COG4: variants seen among roughly 807,000 people sequenced by gnomAD.
The protein encoded by COG4 is component of oligomeric golgi complex 4.
A neutral mutation model predicts 95.1 loss-of-function variants in COG4; 65 were observed. The ratio of observed to expected loss-of-function variants is 0.68; its 90% CI spans 0.56 to 0.84. The LOEUF is 0.84. Ranked by LOEUF, COG4 falls within the 40% of genes least tolerant of loss-of-function variation. The probability of loss-of-function intolerance (pLI) is 0.00; values close to 1 mark genes in which losing one functional copy is unlikely to be tolerated. For synonymous variants in COG4, 421 were observed against 374.8 expected, an observed-to-expected ratio of 1.12 and a Z score of -1.42; for missense variants, 1,045 against 989.1, an observed-to-expected ratio of 1.06 and a Z score of -0.76.
At chr16:70,500,595 C>T (rs138146303) in intron 9 of COG4, among the ~76,000 whole-genome samples, 4 of 150,836 alleles carry the variant, frequency 2.7e-5, no homozygotes, top group East Asian at 3.9e-4. Context: ...TCCTGACCTC[C>T]GGTAATCCAC....
At chr16:70,490,901 T>C (rs569372683) in intron 12 of COG4, among the ~76,000 whole-genome samples, 59 of 152,012 alleles carry the variant, frequency 3.9e-4, no homozygotes, top group African/African-American at 1.3e-3. Context: ...CCTCATGATC[T>C]GCCCACCTCG....
At chr16:70,497,438 T>G in intron 10 of COG4, 51 bp from the exon 11 acceptor site, 1 of 1,563,904 alleles carries the variant, frequency 6.4e-7, no homozygotes, top group Non-Finnish European at 8.8e-7. Context: ...GCATGTCATG[T>G]TCTAGATGAT....
At chr16:70,508,112 G>C (rs939050586) in intron 8 of COG4, among the ~76,000 whole-genome samples, 3 of 151,714 alleles carry the variant, frequency 2.0e-5, no homozygotes, top group Non-Finnish European at 4.4e-5. Flanking sequence ...GTAGAGACGG[G>C]GTTTCACCAT....
At chr16:70,507,765 G>A (rs2049608714) in intron 8 of COG4, among the ~76,000 whole-genome samples, 2 of 151,530 alleles carry the variant, frequency 1.3e-5, no homozygotes, top group Non-Finnish European at 2.9e-5. Context: ...GGGAGGCTGA[G>A]GGAGGAGAAT....
At chr16:70,488,354 C>T (rs2049179173) in intron 13 of COG4, among the ~76,000 whole-genome samples, 1 of 151,560 alleles carries the variant, frequency 6.6e-6, no homozygotes, top group Admixed American at 6.6e-5. Context: ...GGCTTGAATG[C>T]CTGATCTTGT....
chr16:70,502,532 C>T (rs1567383952), intron 8 of COG4, among the ~76,000 whole-genome samples: 1 of 150,956 alleles, frequency 6.6e-6, no homozygotes, highest in Admixed American at 6.6e-5. Context: ...ACCCGAGAGG[C>T]GGAGGTTGCA....
At chr16:70,521,313 G>A (rs2049936941) in intron 1 of COG4, among the ~76,000 whole-genome samples, 1 of 151,856 alleles carries the variant, frequency 6.6e-6, no homozygotes, top group South Asian at 2.1e-4. Flanking sequence ...CTGCCCTGGG[G>A]TTCAAGCGAT....
At chr16:70,491,861 C>T (rs987580499) in intron 12 of COG4, among the ~76,000 whole-genome samples, 45 of 149,170 alleles carry the variant, frequency 3.0e-4, no homozygotes, top group Non-Finnish European at 5.3e-4. Flanking sequence ...AAATGATTCA[C>T]GAAGGTCTGA....
intron 3 of COG4, 43 bp downstream of exon 3, chr16:70,517,582 TG>T: frequency 9.7e-7 from 1 of 1,026,552 alleles, no homozygotes. Context: ...AGCAAGACCC[TG>T]TCTCAAAAAA....
intron 9 of COG4, among the ~76,000 whole-genome samples, chr16:70,499,332 G>A (rs552182331): frequency 6.6e-5 from 10 of 152,128 alleles, no homozygotes; most frequent in Non-Finnish European, 1.3e-4. Context: ...CATCATTATT[G>A]CTTTTCAGTC....
At chr16:70,487,336 C>A (rs2049159404) in intron 13 of COG4, among the ~76,000 whole-genome samples, 1 of 151,646 alleles carries the variant, frequency 6.6e-6, no homozygotes, top group South Asian at 2.1e-4. Flanking sequence ...GTGGTTCATG[C>A]CTGTAATCCC....
chr16:70,510,750 A>G (rs979518954), intron 5 of COG4, among the ~76,000 whole-genome samples: 1 of 151,450 alleles, frequency 6.6e-6, no homozygotes, highest in Non-Finnish European at 1.5e-5. Flanking sequence ...TAAAAAAAGT[A>G]CCATAGAGCA....
intron 3 of COG4, 72 bp downstream of exon 3, chr16:70,517,554 C>G (rs1363844877): frequency 1.0e-5 from 9 of 897,500 alleles, no homozygotes; most frequent in Non-Finnish European, 8.8e-6. Flanking sequence ...TACCACTGTA[C>G]TCCAGCCTAG....
At position 70,482,051 on chromosome 16, in the gene COG4, G is replaced by A. The variant is rs755866180; in HGVS notation, c.2004+41C>T. 25 of 1,538,174 alleles carry A rather than the reference G, an allele frequency of 1.6e-5. No homozygotes were observed. The East Asian group carries it at 2.2e-4, about 14-fold the overall frequency. On this transcript the variant is annotated intron_variant, in intron 16 of 18. Coordinates refer to ENST00000323786, the MANE Select transcript of COG4 (RefSeq NM_015386.3). ...CTGCAGGCTGCTGGTTTGGGCTGAC[G>A]TGGGTAATTCCCTAAGTGGATCCCT... is the stretch of plus-strand genomic sequence containing the variant.
At chr16:70,512,852 C>A (rs909366025) in intron 4 of COG4, among the ~76,000 whole-genome samples, 1 of 152,184 alleles carries the variant, frequency 6.6e-6, no homozygotes, top group Non-Finnish European at 1.5e-5. Flanking sequence ...GTGGCATGCG[C>A]CTGTAGTCCC....
chr16:70,518,121 G>A (rs2049863492), intron 2 of COG4, among the ~76,000 whole-genome samples: 1 of 151,742 alleles, frequency 6.6e-6, no homozygotes, highest in African/African-American at 2.4e-5. Context: ...AGTAGAGACG[G>A]GGTTTCACCA....
intron 18 of COG4, 24 bp downstream of exon 18, chr16:70,481,335 C>T (rs1192061758): frequency 6.2e-7 from 1 of 1,611,324 alleles, no homozygotes. Context: ...CCCTCCCTGG[C>T]TGGGCCAAGG....
At chr16:70,514,196 G>C in intron 4 of COG4, 139 bp downstream of exon 4, 1 of 862,942 alleles carries the variant, frequency 1.2e-6, no homozygotes, top group Non-Finnish European at 1.8e-6. Flanking sequence ...ACAAGAGCAA[G>C]ACTCCGTCTC....
intron 3 of COG4, 91 bp from the exon 4 acceptor site, chr16:70,514,600 C>T (rs1279508944): frequency 5.7e-6 from 6 of 1,058,554 alleles, no homozygotes; most frequent in Non-Finnish European, 7.2e-6. Context: ...TGAATCTGAT[C>T]AACCATATGT....
Sources: gnomAD v4.1 joint callset for allele counts (sites outside exome capture counted in the v4.1 genomes callset) on GRCh38, gnomAD v4.1.1 for gene constraint, MANE v1.5 for transcripts, NCBI Gene and HGNC (gene_info 2026-07-23, HGNC 2026-07-21) for gene names.